RIMS2: variants seen among roughly 807,000 people sequenced by gnomAD.
The protein encoded by RIMS2 is regulating synaptic membrane exocytosis protein 2.
A neutral mutation model predicts 174.4 loss-of-function variants in RIMS2; 59 were observed. The ratio of observed to expected loss-of-function variants is 0.34; its 90% CI spans 0.27 to 0.42. The LOEUF is 0.42. RIMS2 is among the 10% of genes least tolerant of loss of function. RIMS2 has a pLI of 1.00. For synonymous variants in RIMS2, 606 were observed against 572.5 expected (o/e 1.06, Z -0.84); for missense variants, 1,620 against 1,666.3 (o/e 0.97, Z 0.48).
At chr8:103,559,087 T>C (rs2091142135) in intron 1 of RIMS2, 1 of 128,868 alleles carries the variant, frequency 7.8e-6, no homozygotes, top group African/African-American at 2.9e-5. Context: ...ATCATCCTTA[T>C]TTGGTCTATT....
chr8:104,254,176 A>C (rs1005050452), downstream of RIMS2: 1 of 148,038 alleles, frequency 6.8e-6, no homozygotes, highest in Admixed American at 6.9e-5. Flanking sequence ...CATACTTGTC[A>C]TTATGCAGTA....
chr8:103,703,125 T>C (rs1240607644), intron 2 of RIMS2, among the ~76,000 whole-genome samples: 2 of 151,830 alleles, frequency 1.3e-5, no homozygotes, highest in Non-Finnish European at 2.9e-5. Context: ...GGGACTATGA[T>C]ATGCATCACC....
intron 1 of RIMS2, among the ~76,000 whole-genome samples, chr8:103,655,858 T>C (rs1275860637): frequency 6.6e-6 from 1 of 152,066 alleles, no homozygotes; most frequent in Non-Finnish European, 1.5e-5. Flanking sequence ...ATAAGGAGTT[T>C]GAATCTGAGT....
Position 104,085,487 on chromosome 8 carries a change from G to GTTGTT in RIMS2, c.3334+70883_3334+70887dup, listed in dbSNP as rs551680631. Among the ~76,000 whole-genome samples, 57 of 152,238 alleles carry GTTGTT rather than the reference G, an allele frequency of 3.7e-4. 1 individual carries two copies. The highest frequency in any genetic ancestry group is 1.3e-3 in the African/African-American group (53 of 41,550). ...CCTTACATACAAGGTAGAAAATGAA[G>GTTGTT]TTGTTTTGTTTTGTTGTTATTAAAA... is the stretch of plus-strand genomic sequence containing the variant. On this transcript the variant is annotated intron_variant, in intron 19 of 23. Transcript: ENST00000504942.
chr8:103,865,691 G>T (rs2099081575), intron 3 of RIMS2, among the ~76,000 whole-genome samples: 1 of 151,946 alleles, frequency 6.6e-6, no homozygotes, highest in African/African-American at 2.4e-5. Context: ...TAAATATGAT[G>T]TCTTTAAATT....
chr8:104,225,315 A>G (rs1184087245), intron 19 of RIMS2, among the ~76,000 whole-genome samples: 2 of 152,196 alleles, frequency 1.3e-5, no homozygotes, highest in Non-Finnish European at 2.9e-5. Flanking sequence ...GGCATTCAGC[A>G]ACACAACCTA....
chr8:104,023,760 A>G (rs2096175073), intron 19 of RIMS2, among the ~76,000 whole-genome samples: 1 of 152,166 alleles, frequency 6.6e-6, no homozygotes, highest in Non-Finnish European at 1.5e-5. Context: ...GGTATTTACC[A>G]CCGTAAGACT....
At chr8:104,025,331 T>C (rs984973694) in intron 19 of RIMS2, among the ~76,000 whole-genome samples, 1 of 151,862 alleles carries the variant, frequency 6.6e-6, no homozygotes, top group Non-Finnish European at 1.5e-5. Flanking sequence ...AACAAAAAAA[T>C]TTAAAAATTA....
intron 1 of RIMS2, among the ~76,000 whole-genome samples, chr8:103,682,909 C>T (rs1260003877): frequency 2.0e-5 from 3 of 152,084 alleles, no homozygotes; most frequent in South Asian, 4.2e-4. Flanking sequence ...GGGATCATTA[C>T]AGTTCTTATG....
chr8:104,124,528 A>G (rs930663317), intron 19 of RIMS2, among the ~76,000 whole-genome samples: 4 of 152,158 alleles, frequency 2.6e-5, no homozygotes, highest in African/African-American at 9.7e-5. Flanking sequence ...AAATCTCAAA[A>G]TAAAATATCT....
intron 19 of RIMS2, among the ~76,000 whole-genome samples, chr8:104,112,545 T>G (rs2098207396): frequency 6.6e-6 from 1 of 152,180 alleles, no homozygotes; most frequent in Non-Finnish European, 1.5e-5. Flanking sequence ...CAGATTTTAT[T>G]ATTTACATTC....
At chr8:103,545,587 G>C (rs920821555) in intron 1 of RIMS2, among the ~76,000 whole-genome samples, 1 of 152,098 alleles carries the variant, frequency 6.6e-6, no homozygotes, top group South Asian at 2.1e-4. Flanking sequence ...GATTCTCCAA[G>C]GTCGAAATGA....
At chr8:103,886,524 T>A (rs1195641546) in intron 4 of RIMS2, among the ~76,000 whole-genome samples, 2 of 151,954 alleles carry the variant, frequency 1.3e-5, no homozygotes, top group Non-Finnish European at 2.9e-5. Flanking sequence ...CTGTAGTTTT[T>A]AAAATAACAT....
chr8:103,950,894 T>C (rs777128370), intron 14 of RIMS2, among the ~76,000 whole-genome samples: 1 of 152,206 alleles, frequency 6.6e-6, no homozygotes, highest in Non-Finnish European at 1.5e-5. Flanking sequence ...CAAAAACTAT[T>C]ATAAGAAGTG....
chr8:104,130,024 T>C (rs1012238166), intron 19 of RIMS2, among the ~76,000 whole-genome samples: 1 of 152,238 alleles, frequency 6.6e-6, no homozygotes, highest in African/African-American at 2.4e-5. Context: ...TTAACTATCC[T>C]TACGTTACTA....
chr8:104,105,318 T>C (rs1459465249), intron 19 of RIMS2, among the ~76,000 whole-genome samples: 2 of 152,090 alleles, frequency 1.3e-5, no homozygotes, highest in Non-Finnish European at 2.9e-5. Context: ...TAGCCAGAAA[T>C]ATTACAACCT....
intron 2 of RIMS2, among the ~76,000 whole-genome samples, chr8:103,730,546 A>G (rs1167979581): frequency 6.6e-6 from 1 of 152,170 alleles, no homozygotes; most frequent in Non-Finnish European, 1.5e-5. Context: ...GTCTTTGTCT[A>G]GAAATTTTTT....
intron 14 of RIMS2, among the ~76,000 whole-genome samples, chr8:103,951,982 GC>G (rs2085512377): frequency 6.6e-6 from 1 of 152,214 alleles, no homozygotes; most frequent in African/African-American, 2.4e-5. Context: ...AAACAAAGCG[GC>G]CAGGAAGTTT....
intron 19 of RIMS2, among the ~76,000 whole-genome samples, chr8:104,092,117 G>A (rs1253985566): frequency 6.6e-6 from 1 of 151,658 alleles, no homozygotes; most frequent in Non-Finnish European, 1.5e-5. Context: ...GATACTGAGA[G>A]GTTTTGGGAG....
Sources: gnomAD v4.1 joint callset for allele counts (sites outside exome capture counted in the v4.1 genomes callset) on GRCh38, gnomAD v4.1.1 for gene constraint, MANE v1.5 for transcripts, NCBI Gene and HGNC (gene_info 2026-07-23, HGNC 2026-07-21) for gene names.